KIAA1217: variants seen among roughly 807,000 people sequenced by gnomAD.
The protein encoded by KIAA1217 is KIAA1217, also known as sickle tail protein homolog.
A neutral mutation model predicts 163.9 loss-of-function variants in KIAA1217; 88 were observed. That is an observed-to-expected ratio of 0.54 (90% confidence interval 0.45 to 0.64). The LOEUF is 0.64. Among genes scored for constraint, KIAA1217 ranks in the 30% least tolerant of loss-of-function variants. KIAA1217 has a pLI of 0.00. For synonymous variants in KIAA1217, 903 were observed against 923.1 expected, an observed-to-expected ratio of 0.98 and a Z score of 0.39; for missense variants, 2,372 against 2,475.0, an observed-to-expected ratio of 0.96 and a Z score of 0.88.
At chr10:23,942,388 G>A (rs1843814957) in intron 1 of KIAA1217, among the ~76,000 whole-genome samples, 1 of 152,156 alleles carries the variant, frequency 6.6e-6, no homozygotes, top group Admixed American at 6.6e-5. Context: ...TTTTAAAAGT[G>A]AAAACTATAA....
chr10:24,439,820 C>G (rs1453819839), intron 5 of KIAA1217, among the ~76,000 whole-genome samples: 1 of 152,110 alleles, frequency 6.6e-6, no homozygotes, highest in Non-Finnish European at 1.5e-5. Flanking sequence ...GACATTGAGC[C>G]TCCCTGATCC....
At position 24,059,196 on chromosome 10, in the gene KIAA1217, C is replaced by T. The variant is rs148603935; in HGVS notation, c.-171+51822C>T. 6.1e-3 allele frequency among the ~76,000 whole-genome samples: 925 copies of T among 152,218 alleles called. 10 individuals are homozygous for T. The highest frequency in any genetic ancestry group is 0.021 in the African/African-American group (858 of 41,550). On this transcript the variant is annotated intron_variant, in intron 2 of 18. Coordinates refer to the KIAA1217 transcript ENST00000376462. The stretch of plus-strand genomic sequence containing the variant: ...TATCACATTAATTTATTTTTGTATG[C>T]TCCACCATCCTTGCACCCTAGGGAT...
At chr10:23,896,507 T>C (rs965355755) in intron 1 of KIAA1217, among the ~76,000 whole-genome samples, 8 of 152,106 alleles carry the variant, frequency 5.3e-5, no homozygotes, top group Non-Finnish European at 1.0e-4. Flanking sequence ...AGTGCAGTGC[T>C]ATTTCACTCT....
rs1463412100 is a variant in KIAA1217, at chr10:23,782,178, C to A, written c.-321+86944C>A. Among the ~76,000 whole-genome samples the A allele has an allele frequency of 7.2e-5, 11 of 151,998 alleles. No homozygotes were observed. In the South Asian group the frequency reaches 8.3e-4, roughly 12 times the overall value. ...GTAGTATATACATTGTAATAATATTCTTTCAACAATTCATGAATATGAAAT... is the reference window on the plus strand; with the variant it reads ...GTAGTATATACATTGTAATAATATTATTTCAACAATTCATGAATATGAAAT... On this transcript the variant is annotated intron_variant, in intron 1 of 18. Transcript: ENST00000376462.
At chr10:24,194,658 T>C (rs1029727101) in intron 2 of KIAA1217, among the ~76,000 whole-genome samples, 1 of 151,520 alleles carries the variant, frequency 6.6e-6, no homozygotes, top group Non-Finnish European at 1.5e-5. Context: ...ATTGCAGCCA[T>C]GATCTTCCCA....
At chr10:23,717,298 C>T (rs1837630154) in intron 1 of KIAA1217, among the ~76,000 whole-genome samples, 1 of 152,004 alleles carries the variant, frequency 6.6e-6, no homozygotes, top group South Asian at 2.1e-4. Flanking sequence ...GAATTAAGCT[C>T]ATAGCGGGAC....
At chr10:23,721,015 A>G (rs1272300992) in intron 1 of KIAA1217, among the ~76,000 whole-genome samples, 2 of 152,222 alleles carry the variant, frequency 1.3e-5, no homozygotes, top group Non-Finnish European at 2.9e-5. Flanking sequence ...CATGGCATTC[A>G]TAATAGCTTC....
chr10:24,159,551 G>A (rs1219593999), intron 2 of KIAA1217, among the ~76,000 whole-genome samples: 7 of 152,120 alleles, frequency 4.6e-5, no homozygotes, highest in South Asian at 2.1e-4. Flanking sequence ...AGGCCGAGGC[G>A]GGCGGATCAC....
chr10:24,447,996 G>A (rs1482344485), intron 5 of KIAA1217, among the ~76,000 whole-genome samples: 1 of 152,082 alleles, frequency 6.6e-6, no homozygotes, highest in African/African-American at 2.4e-5. Context: ...TGGGTGTGGT[G>A]GCGCGTGCCT....
At chr10:23,837,768 T>A (rs1464493873) in intron 1 of KIAA1217, among the ~76,000 whole-genome samples, 1 of 152,166 alleles carries the variant, frequency 6.6e-6, no homozygotes, top group East Asian at 1.9e-4. Flanking sequence ...CTTGAACTCC[T>A]GGGCTCAATT....
chr10:24,207,201 G>T (rs945137520), upstream of KIAA1217, among the ~76,000 whole-genome samples: 11 of 151,944 alleles, frequency 7.2e-5, no homozygotes, highest in African/African-American at 2.7e-4. Context: ...AGAGCAAGGG[G>T]ATTGGGGTCA....
intron 1 of KIAA1217, among the ~76,000 whole-genome samples, chr10:23,968,403 G>A (rs183714307): frequency 2.0e-5 from 3 of 152,238 alleles, no homozygotes; most frequent in Non-Finnish European, 4.4e-5. Context: ...CTACGTAGAC[G>A]GGTTTTATGT....
intron 1 of KIAA1217, among the ~76,000 whole-genome samples, chr10:23,740,303 G>T (rs1168796457): frequency 1.3e-5 from 2 of 152,152 alleles, no homozygotes; most frequent in Non-Finnish European, 2.9e-5. Context: ...TTACACAGTA[G>T]TCTTCTGAGA....
At chr10:24,027,455 C>G (rs773248601) in intron 2 of KIAA1217, among the ~76,000 whole-genome samples, 49 of 151,992 alleles carry the variant, frequency 3.2e-4, no homozygotes, top group Admixed American at 1.3e-4. Context: ...TTGCCAGAAA[C>G]AAGTCAAAAA....
intron 1 of KIAA1217, among the ~76,000 whole-genome samples, chr10:23,818,986 A>G (rs904406396): frequency 2.0e-5 from 3 of 152,172 alleles, no homozygotes; most frequent in African/African-American, 2.4e-5. Context: ...AATGATTGTC[A>G]TTATGCTGGT....
chr10:24,084,098 G>A (rs1424384363), intron 2 of KIAA1217, among the ~76,000 whole-genome samples: 1 of 152,134 alleles, frequency 6.6e-6, no homozygotes, highest in Non-Finnish European at 1.5e-5. Context: ...ATCCTTCAAG[G>A]TCTTTGCTCA....
chr10:24,153,820 A>G lies in KIAA1217; in HGVS notation c.-170-65806A>G, dbSNP rs376718621. ...GCCTTAGTTTGTTCATCTTTTTGGT[A>G]TTTTTTAAAAAGATAATTCCCCCGG... On this transcript the variant is annotated intron_variant, in intron 2 of 18. Transcript: ENST00000376462. Among the ~76,000 whole-genome samples, 74 of 152,180 alleles carry G rather than the reference A, an allele frequency of 4.9e-4. 1 individual carries two copies. Among genetic ancestry groups the G allele is most frequent in the African/African-American group, 1.8e-3 (73 of 41,534 alleles).
At chr10:24,093,009 T>A (rs1181086909) in intron 2 of KIAA1217, among the ~76,000 whole-genome samples, 2 of 151,114 alleles carry the variant, frequency 1.3e-5, no homozygotes, top group Non-Finnish European at 2.9e-5. Flanking sequence ...TGAGACTTTT[T>A]TTTAGACAAG....
rs376880513 is a variant in KIAA1217, at chr10:24,536,890, G to T, written c.3531G>T (p.Lys1177Asn). 6.2e-6 allele frequency: 10 copies of T among 1,613,744 alleles called. No individual in the cohort carries two copies. The African/African-American group carries it at 1.3e-4, about 22-fold the overall frequency. The change falls in exon 17 of 21, where the codon AAG (lysine) becomes AAT (asparagine). Residue 1177 changes from lysine to asparagine, a missense_variant. Around this residue, in one of 3 missense-constraint regions of KIAA1217, gnomAD observed 251 missense variants for 327.3 expected, o/e 0.77. Transcript: ENST00000376454. ...RSGATVPPKE[K>N]KNLEFFHEDV... Reference sequence around the variant, plus strand: ...GCGCCACAGTGCCACCCAAGGAGAAGAAGGTAACGTGGCAACTGCACATTT... The same window carrying T: ...GCGCCACAGTGCCACCCAAGGAGAATAAGGTAACGTGGCAACTGCACATTT...
Sources: allele counts gnomAD v4.1 joint callset (sites outside exome capture counted in the v4.1 genomes callset), GRCh38; gene constraint gnomAD v4.1.1; regional missense constraint gnomAD v4.1.1; transcripts MANE v1.5; gene names NCBI Gene and HGNC (gene_info 2026-07-23, HGNC 2026-07-21).